The following ASIC1 variants were observed in gnomAD, a reference collection of about 807,000 sequenced individuals.
ASIC1 encodes the protein acid-sensing ion channel 1.
In ASIC1, 21 loss-of-function variants were observed where a neutral mutation model predicts 63.4. The ratio of observed to expected loss-of-function variants is 0.33; its 90% CI spans 0.23 to 0.48. The LOEUF (loss-of-function observed/expected upper bound fraction) is 0.48. Ranked by LOEUF, ASIC1 falls within the 20% of genes least tolerant of loss-of-function variation. The probability of loss-of-function intolerance (pLI) is 0.99; values close to 1 mark genes in which losing one functional copy is unlikely to be tolerated. For synonymous variants in ASIC1, 258 were observed against 278.2 expected (o/e 0.93, Z 0.72); for missense variants, 478 against 695.5 (o/e 0.69, Z 3.52).
rs761647741 is a variant in ASIC1, at chr12:50,078,506, C to T, written c.923C>T (p.Thr308Ile). ...GATTTCTTCGACTCCTACAGCATCACTGCCTGCCGCATCGACTGTGAGACG... is the reference window on the plus strand; with the variant it reads ...GATTTCTTCGACTCCTACAGCATCATTGCCTGCCGCATCGACTGTGAGACG... ...DLDFFDSYSI[T>I]ACRIDCETRY... Residue 308 changes from threonine (T) to isoleucine (I), a missense_variant, in exon 6 of 12, where the codon ACT becomes ATT. Transcript: ENST00000447966. The surrounding 1 kb of genome is among the most constrained non-coding windows in gnomAD (Gnocchi z 6.0). 1 of 1,614,160 alleles carries T rather than the reference C, an allele frequency of 6.2e-7. No homozygotes were observed. Among genetic ancestry groups the T allele is most frequent in the Non-Finnish European group, 8.5e-7 (1 of 1,180,008 alleles).
chr12:50,079,637 G>C (rs942878622), intron 7 of ASIC1, among the ~76,000 whole-genome samples: 1 of 152,124 alleles, frequency 6.6e-6, no homozygotes, highest in African/African-American at 2.4e-5. Flanking sequence ...GGGCAGCTGG[G>C]GTTCTCCTCA....
At position 50,081,303 on chromosome 12, in the gene ASIC1, A is replaced by G. The variant is rs764063601; in HGVS notation, c.1421A>G (p.Glu474Gly). The G allele has an allele frequency of 6.2e-7, 1 of 1,611,048 alleles. No individual in the cohort carries two copies. Residue 474 changes from glutamate to glycine, a missense_variant, in exon 11 of 12, where the codon GAG becomes GGG. Coordinates refer to ENST00000447966, the MANE Select transcript of ASIC1 (RefSeq NM_001095.4). ...KLCRRGKCQK[E>G]AKRSSADKGV... ...TGCCGACGAGGAAAATGCCAGAAGGAGGCCAAAAGGAGCAGTGCGGACAAG... is the reference window on the plus strand; with the variant it reads ...TGCCGACGAGGAAAATGCCAGAAGGGGGCCAAAAGGAGCAGTGCGGACAAG...
rs372015347 is a variant in ASIC1 at position 50,077,374 on chromosome 12, C to T, written c.709+11C>T. On this transcript the variant is annotated intron_variant, in intron 4 of 11. Transcript: ENST00000447966. ...TGTGGGGGGAGACTGGTACGTCACCCACTTCAGGGGCCCCTCTGCATGGCT... is the reference window on the plus strand; with the variant it reads ...TGTGGGGGGAGACTGGTACGTCACCTACTTCAGGGGCCCCTCTGCATGGCT... 6.8e-6 allele frequency: 11 copies of T among 1,613,924 alleles called. No individual in the cohort carries two copies. The African/African-American group carries it at 1.1e-4, about 16-fold the overall frequency.
At chr12:50,062,905 G>T (rs1005338317) in intron 3 of ASIC1, among the ~76,000 whole-genome samples, 1 of 152,162 alleles carries the variant, frequency 6.6e-6, no homozygotes, top group Non-Finnish European at 1.5e-5. Context: ...TTGGGAGGGT[G>T]GGGGTGAATA....
In ASIC1 at chr12:50,072,762, G is replaced by C. The variant is rs543347411; in HGVS notation, c.559-4451G>C. Among the ~76,000 whole-genome samples the C allele has an allele frequency of 2.0e-5, 3 of 152,316 alleles. No individual in the cohort carries two copies. The South Asian group carries it at 6.2e-4, about 32-fold the overall frequency. Reference sequence around the variant, plus strand: ...TCAGAAATGAGTCTGTGGTCAGTGAGAGACTGCTGCTAATGGAACCTGGGC... The same window carrying C: ...TCAGAAATGAGTCTGTGGTCAGTGACAGACTGCTGCTAATGGAACCTGGGC... On this transcript the variant is annotated intron_variant, in intron 3 of 11. Coordinates refer to ENST00000447966, the MANE Select transcript of ASIC1 (RefSeq NM_001095.4).
Position 50,078,158 on chromosome 12 carries a change from G to T in ASIC1, c.837+31G>T, listed in dbSNP as rs767460523. On this transcript the variant is annotated intron_variant, in intron 5 of 11. Transcript: ENST00000447966. This position sits in a 1 kb window ranked among gnomAD's most constrained non-coding sequence, Gnocchi z 6.0. The stretch of plus-strand genomic sequence containing the variant: ...AGGGCCATGGGAGGCTGGTCCTGGG[G>T]TGGGGTATTGAGGGGTCCAGATGGA... 6.2e-7 allele frequency: 1 copy of T among 1,603,096 alleles called. No homozygotes were observed. The highest frequency in any genetic ancestry group is 1.1e-5 in the South Asian group (1 of 89,202).
At chr12:50,080,991 G>C in intron 9 of ASIC1, 111 bp from the exon 10 acceptor site, 2 of 1,035,252 alleles carry the variant, frequency 1.9e-6, no homozygotes, top group Non-Finnish European at 2.8e-6. Context: ...CCTTCTGTGC[G>C]AAGGCTACCA....
chr12:50,070,406 G>A (rs1950587641), intron 3 of ASIC1, among the ~76,000 whole-genome samples: 1 of 151,696 alleles, frequency 6.6e-6, no homozygotes, highest in Admixed American at 6.6e-5. Context: ...GTGTGTTGGG[G>A]CGTGTGTGTG....
chr12:50,073,717 G>A, intron 3 of ASIC1: 1 of 1,536,568 alleles, frequency 6.5e-7, no homozygotes, highest in Non-Finnish European at 8.7e-7. Context: ...GGAGGAAGAA[G>A]AGAAGGAAAA....
At chr12:50,062,116 T>C (rs528896827) in intron 3 of ASIC1, among the ~76,000 whole-genome samples, 59 of 152,222 alleles carry the variant, frequency 3.9e-4, no homozygotes, top group South Asian at 6.2e-4. Flanking sequence ...CCCCTCTCCA[T>C]GTCAAGAGCT....
chr12:50,078,438 A>AC lies in ASIC1; in HGVS notation c.858dup (p.Trp287LeufsTer29). 6.2e-7 allele frequency: 1 copy of AC among 1,613,660 alleles called. No individual in the cohort carries two copies. Among genetic ancestry groups the AC allele is most frequent in the Non-Finnish European group, 8.5e-7 (1 of 1,179,876 alleles). ...CCCAGCAGCTCATCTACCTGCCCCCACCCTGGGGCACCTGCAAAGCTGTTA... is the reference window on the plus strand; with the variant it reads ...CCCAGCAGCTCATCTACCTGCCCCCACCCCTGGGGCACCTGCAAAGCTGTTA... On this transcript the variant is annotated frameshift_variant, in exon 6 of 12. Transcript: ENST00000447966. LOFTEE classifies it high-confidence loss of function. The surrounding 1 kb of genome is among the most constrained non-coding windows in gnomAD (Gnocchi z 6.0).
chr12:50,067,054 G>A (rs576149726), intron 3 of ASIC1, among the ~76,000 whole-genome samples: 30 of 152,254 alleles, frequency 2.0e-4, no homozygotes, highest in African/African-American at 6.0e-4. Context: ...TAGCTGTAAC[G>A]ACAGCTAACA....
At chr12:50,072,161 G>A (rs115983612) in intron 3 of ASIC1, among the ~76,000 whole-genome samples, 2,163 of 152,280 alleles carry the variant, frequency 0.014, 59 homozygotes, top group African/African-American at 0.049. Context: ...GAAGATGGTG[G>A]GAGCAGGGAG....
intron 3 of ASIC1, among the ~76,000 whole-genome samples, chr12:50,061,773 T>G (rs1950503161): frequency 6.6e-6 from 1 of 152,136 alleles, no homozygotes; most frequent in South Asian, 2.1e-4. Context: ...AGATTCCAAG[T>G]GGTGATGCTA....
intron 3 of ASIC1, among the ~76,000 whole-genome samples, chr12:50,067,166 T>G (rs1032432196): frequency 1.3e-5 from 2 of 152,204 alleles, no homozygotes; most frequent in Non-Finnish European, 2.9e-5. Flanking sequence ...AGTATCTCTC[T>G]GCTTCCCTTT....
At chr12:50,073,009 A>C (rs1416130655) in intron 3 of ASIC1, among the ~76,000 whole-genome samples, 2 of 152,076 alleles carry the variant, frequency 1.3e-5, no homozygotes, top group Non-Finnish European at 2.9e-5. Flanking sequence ...TAACTGGACG[A>C]GGGAGAATAA....
chr12:50,074,295 C>A lies in ASIC1; in HGVS notation c.559-2918C>A. 7.0e-7 allele frequency: 1 copy of A among 1,434,666 alleles called. No homozygotes were observed. The highest frequency in any genetic ancestry group is 9.1e-7 in the Non-Finnish European group (1 of 1,097,242). The allele number at this position is 1,434,666 out of a possible 1,614,324, so 88.9% of individuals were successfully genotyped here. A position where few individuals can be genotyped will look rare whatever the true frequency, so the allele number is the denominator to read the frequency against. On this transcript the variant is annotated intron_variant, in intron 3 of 11. Coordinates refer to ENST00000447966, the MANE Select transcript of ASIC1 (RefSeq NM_001095.4). The surrounding 1 kb of genome is among the most constrained non-coding windows in gnomAD (Gnocchi z 4.2). ...AGTACCCCAAGAGTGTCTGCCATGGCTGTCCCTGACTGTCACCTCCTGGGG... is the reference window on the plus strand; with the variant it reads ...AGTACCCCAAGAGTGTCTGCCATGGATGTCCCTGACTGTCACCTCCTGGGG...
intron 9 of ASIC1, 119 bp downstream of exon 9, chr12:50,080,708 C>T (rs1950706622): frequency 1.9e-6 from 3 of 1,613,546 alleles, no homozygotes. Flanking sequence ...AGAGGCCCTT[C>T]CCCAAACCCT....
At chr12:50,080,658 G>A in intron 9 of ASIC1, 69 bp downstream of exon 9, 1 of 1,613,870 alleles carries the variant, frequency 6.2e-7, no homozygotes, top group African/African-American at 1.3e-5. Flanking sequence ...TCATCCAAAA[G>A]CAGGGTGCTC....
Sources: allele counts gnomAD v4.1 joint callset (sites outside exome capture counted in the v4.1 genomes callset), GRCh38; gene constraint gnomAD v4.1.1; non-coding constraint Gnocchi (gnomAD v3.1); transcripts MANE v1.5; gene names NCBI Gene and HGNC (gene_info 2026-07-23, HGNC 2026-07-21).